COL4A6: variants seen among roughly 807,000 people sequenced by gnomAD.
COL4A6 encodes the protein collagen type IV alpha 6 chain.
A neutral mutation model predicts 126.7 loss-of-function variants in COL4A6; 59 were observed. That is an observed-to-expected ratio of 0.47 (90% CI 0.38 to 0.58). COL4A6 has a LOEUF of 0.58. COL4A6 is among the 20% of genes least tolerant of loss of function. The pLI is 0.00. For synonymous variants in COL4A6, 547 were observed against 496.6 expected (o/e 1.10, Z -1.35); for missense variants, 1,285 against 1,337.3 (o/e 0.96, Z 0.61).
intron 2 of COL4A6, among the ~76,000 whole-genome samples, chrX:108,336,187 T>C (rs1231633258): frequency 9.0e-6 from 1 of 111,693 alleles, no homozygotes; most frequent in African/African-American, 3.3e-5. Context: ...ACGCCAATGT[T>C]GATAGCAGCT....
At chrX:108,245,107 G>C (rs769944762) in intron 3 of COL4A6, among the ~76,000 whole-genome samples, 3 of 112,283 alleles carry the variant, frequency 2.7e-5, no homozygotes, top group Admixed American at 9.4e-5. Context: ...CAAGACAAAC[G>C]TCTTTCATGA....
Position 108,170,504 on chromosome X carries a change from T to C in COL4A6, c.3493+105A>G, listed in dbSNP as rs906824754. On this transcript the variant is annotated intron_variant, in intron 35 of 44. Transcript: ENST00000334504. ...ATGATTCCTCATGTCCAATGACTCC[T>C]GTAGGCATGGCTTAACCCTAGCTAG... The C allele has an allele frequency of 7.7e-6, 5 of 648,319 alleles. No homozygotes were observed. In the African/African-American group the frequency reaches 8.9e-5, roughly 12 times the overall value. 53.4% of individuals were successfully genotyped at this position (648,319 alleles called of 1,213,427 possible).
intron 44 of COL4A6, 99 bp from the exon 45 acceptor site, chrX:108,157,359 T>C: frequency 9.2e-7 from 1 of 1,088,757 alleles, no homozygotes; most frequent in Non-Finnish European, 1.2e-6. Context: ...ATGAGCTCCA[T>C]TCCTAAGCCC....
At chrX:108,181,001 C>T (rs763385543) in intron 23 of COL4A6, 33 bp from the exon 24 acceptor site, 1 of 1,138,997 alleles carries the variant, frequency 8.8e-7, no homozygotes, top group Non-Finnish European at 1.2e-6. Flanking sequence ...ATTCAGTGAA[C>T]CCAGAGTTAG....
At chrX:108,275,454 A>G (rs2037576330) in intron 3 of COL4A6, among the ~76,000 whole-genome samples, 2 of 112,167 alleles carry the variant, frequency 1.8e-5, no homozygotes, top group South Asian at 7.4e-4. Context: ...TTAAAATCCT[A>G]TGCATCCCAC....
At chrX:108,332,122 T>C (rs2039316350) in intron 2 of COL4A6, among the ~76,000 whole-genome samples, 1 of 111,632 alleles carries the variant, frequency 9.0e-6, no homozygotes, top group Non-Finnish European at 1.9e-5. Flanking sequence ...TTCTATTTCT[T>C]AGTCATTTCA....
In COL4A6 at chrX:108,356,769, G is replaced by T. The variant is rs749083127; in HGVS notation, c.64-45941C>A. On this transcript the variant is annotated intron_variant, in intron 2 of 44. Transcript: ENST00000334504. Reference sequence around the variant, plus strand: ...GTTTAATTAAATGGCTTTAAGATAAGTATGAAGAAACTGGCAACAAGTCAT... The same window carrying T: ...GTTTAATTAAATGGCTTTAAGATAATTATGAAGAAACTGGCAACAAGTCAT... 8.9e-5 allele frequency among the ~76,000 whole-genome samples: 10 copies of T among 111,855 alleles called. No homozygotes were observed. In the East Asian group the frequency reaches 2.8e-3, roughly 31 times the overall value.
intron 2 of COL4A6, among the ~76,000 whole-genome samples, chrX:108,414,215 G>C (rs2041388201): frequency 8.9e-6 from 1 of 112,181 alleles, no homozygotes; most frequent in Non-Finnish European, 1.9e-5. Context: ...TAATCTCTCA[G>C]AAAGCTTGAT....
chrX:108,279,856 A>G (rs1362110664), intron 3 of COL4A6, among the ~76,000 whole-genome samples: 1 of 111,902 alleles, frequency 8.9e-6, no homozygotes, highest in Non-Finnish European at 1.9e-5. Flanking sequence ...AAACCGCACA[A>G]CTACATGGAA....
chrX:108,340,027 T>C (rs2039519973), intron 2 of COL4A6, among the ~76,000 whole-genome samples: 1 of 111,797 alleles, frequency 8.9e-6, no homozygotes, highest in Admixed American at 9.6e-5. Context: ...CTCTTCTTCC[T>C]GGAACTCAGT....
At chrX:108,332,442 A>G (rs1603104944) in intron 2 of COL4A6, among the ~76,000 whole-genome samples, 2 of 111,954 alleles carry the variant, frequency 1.8e-5, no homozygotes, top group African/African-American at 6.5e-5. Context: ...TGCTTTCCAT[A>G]CCAGTTGTAC....
intron 2 of COL4A6, among the ~76,000 whole-genome samples, chrX:108,335,495 C>T (rs960884385): frequency 9.0e-6 from 1 of 111,317 alleles, no homozygotes; most frequent in African/African-American, 3.3e-5. Context: ...TGGAAAGTGT[C>T]GGTTTTATAA....
chrX:108,282,912 C>G (rs1272839158), intron 3 of COL4A6, among the ~76,000 whole-genome samples: 1 of 103,037 alleles, frequency 9.7e-6, no homozygotes, highest in African/African-American at 3.6e-5. Context: ...AAACCAAACA[C>G]CGCATATTCT....
At chrX:108,292,380 C>T (rs2038183830) in intron 3 of COL4A6, among the ~76,000 whole-genome samples, 1 of 112,162 alleles carries the variant, frequency 8.9e-6, no homozygotes, top group Non-Finnish European at 1.9e-5. Context: ...TCAGCTATTT[C>T]CTGCTGGGAC....
chrX:108,215,084 G>A (rs1336814967), intron 5 of COL4A6, among the ~76,000 whole-genome samples: 5 of 111,876 alleles, frequency 4.5e-5, no homozygotes, highest in East Asian at 2.8e-4. Flanking sequence ...CCCCCCTGCC[G>A]ATGCAAACAC....
intron 2 of COL4A6, among the ~76,000 whole-genome samples, chrX:108,388,876 C>T (rs780195996): frequency 6.3e-5 from 7 of 111,941 alleles, no homozygotes; most frequent in Non-Finnish European, 1.3e-4. Context: ...TCCCTCTACA[C>T]ACTGCTTTAA....
At chrX:108,235,936 C>A (rs1320566949) in intron 3 of COL4A6, among the ~76,000 whole-genome samples, 1 of 110,482 alleles carries the variant, frequency 9.1e-6, no homozygotes, top group Non-Finnish European at 1.9e-5. Context: ...GTTGGCCAGA[C>A]CAGGGGCCTG....
chrX:108,228,848 C>A (rs182755972), intron 3 of COL4A6, among the ~76,000 whole-genome samples: 132 of 112,311 alleles, frequency 1.2e-3, no homozygotes, highest in Non-Finnish European at 1.6e-3. Flanking sequence ...GGAATATAGC[C>A]AAACCATACC....
chrX:108,313,961 G>A (rs1415404083), intron 2 of COL4A6, among the ~76,000 whole-genome samples: 1 of 111,661 alleles, frequency 9.0e-6, no homozygotes, highest in Admixed American at 9.5e-5. Flanking sequence ...TGGGGGGCAG[G>A]AAGTACAATC....
Sources: gnomAD v4.1 joint callset for allele counts (sites outside exome capture counted in the v4.1 genomes callset) on GRCh38, gnomAD v4.1.1 for gene constraint, MANE v1.5 for transcripts, NCBI Gene and HGNC (gene_info 2026-07-23, HGNC 2026-07-21) for gene names.